AGBL1: variants seen among roughly 807,000 people sequenced by gnomAD.
The protein encoded by AGBL1 is cytosolic carboxypeptidase 4.
AGBL1 carries 130 observed loss-of-function variants against 118.9 expected under a neutral mutation model. That is an observed-to-expected ratio of 1.09 (90% CI 0.95 to 1.26). The LOEUF is 1.26. AGBL1 is among the 50% of genes most tolerant of loss of function. AGBL1 has a pLI of 0.00. For synonymous variants in AGBL1, 555 were observed against 478.9 expected (o/e 1.16, Z -2.08); for missense variants, 1,584 against 1,298.1 (o/e 1.22, Z -3.38).
At chr15:86,996,765 G>A (rs529793916) in intron 24 of AGBL1, among the ~76,000 whole-genome samples, 8 of 152,256 alleles carry the variant, frequency 5.3e-5, no homozygotes, top group African/African-American at 1.9e-4. Context: ...GGTTTTGACT[G>A]ATAAGAATCA....
intron 22 of AGBL1, among the ~76,000 whole-genome samples, chr15:86,813,203 T>TGA (rs1555452873): frequency 1.3e-5 from 2 of 151,216 alleles, no homozygotes; most frequent in Non-Finnish European, 2.9e-5. Context: ...CTTTGAGGGT[T>TGA]GGGGGGGCCT....
chr15:86,340,081 GTCAGCTAAT>G (rs1221343472), intron 17 of AGBL1, among the ~76,000 whole-genome samples: 1 of 151,612 alleles, frequency 6.6e-6, no homozygotes, highest in Non-Finnish European at 1.5e-5. Context: ...TAAAATCTTT[GTCAGCTAAT>G]TCTGACATCT....
At chr15:86,301,595 A>C (rs1458347347) in intron 17 of AGBL1, among the ~76,000 whole-genome samples, 1 of 151,896 alleles carries the variant, frequency 6.6e-6, no homozygotes, top group Non-Finnish European at 1.5e-5. Context: ...GAACACATAG[A>C]TAAGTATTAT....
At chr15:86,279,534 A>G (rs1462899762) in intron 15 of AGBL1, 105 bp from the exon 16 acceptor site, 1 of 1,097,494 alleles carries the variant, frequency 9.1e-7, no homozygotes, top group Admixed American at 2.2e-5. Context: ...TTGTGCCAGG[A>G]CAGTATATAA....
At chr15:86,395,330 C>G (rs1470611686) in intron 17 of AGBL1, among the ~76,000 whole-genome samples, 4 of 151,922 alleles carry the variant, frequency 2.6e-5, no homozygotes, top group African/African-American at 7.2e-5. Context: ...TTTCTTTGTT[C>G]AGAAGACCCT....
At chr15:86,918,089 G>A (rs577996274), downstream of AGBL1, among the ~76,000 whole-genome samples, 51 of 152,270 alleles carry the variant, frequency 3.3e-4, no homozygotes, top group African/African-American at 1.2e-3. Flanking sequence ...AATTTGCAAA[G>A]TTCATTTCTA....
Position 86,359,387 on chromosome 15 carries a change from C to CT in AGBL1, c.2375-37955dup, listed in dbSNP as rs56189861. ...TATTCTATTTATCAGTATTGGTTTTCTTTTTTTTTTTTTTTTTTTTTTTTG... is the reference window on the plus strand; with the variant it reads ...TATTCTATTTATCAGTATTGGTTTTCTTTTTTTTTTTTTTTTTTTTTTTTTG... On this transcript the variant is annotated intron_variant, in intron 17 of 22. Transcript: ENST00000614907. 1.6e-3 allele frequency among the ~76,000 whole-genome samples: 147 copies of CT among 93,770 alleles called. 1 individual carries two copies. Among genetic ancestry groups the CT allele is most frequent in the South Asian group, 0.014 (33 of 2,414 alleles). 61.5% of individuals were successfully genotyped at this position (93,770 alleles called of 152,430 possible).
intron 17 of AGBL1, among the ~76,000 whole-genome samples, chr15:86,363,201 G>A (rs559800236): frequency 6.6e-6 from 1 of 152,060 alleles, no homozygotes; most frequent in Non-Finnish European, 1.5e-5. Context: ...CTCCTACAAA[G>A]GCACTTTTGT....
At chr15:86,284,488 C>T (rs1266456106) in intron 16 of AGBL1, among the ~76,000 whole-genome samples, 1 of 152,184 alleles carries the variant, frequency 6.6e-6, no homozygotes, top group African/African-American at 2.4e-5. Context: ...CTCATCAGAA[C>T]ATGCCTGTAG....
intron 22 of AGBL1, among the ~76,000 whole-genome samples, chr15:86,808,535 A>T (rs1160570418): frequency 6.6e-6 from 1 of 151,832 alleles, no homozygotes; most frequent in Non-Finnish European, 1.5e-5. Flanking sequence ...ACTCAGTTTT[A>T]TAAATTTTCT....
At chr15:86,143,618 C>G (rs966996861) in intron 2 of AGBL1, 81 bp from the exon 3 acceptor site, 1 of 1,513,602 alleles carries the variant, frequency 6.6e-7, no homozygotes, top group South Asian at 1.3e-5. Context: ...TGCTCTGTCT[C>G]TAGTTGGGAG....
chr15:86,387,242 G>A lies in AGBL1; in HGVS notation c.2375-10124G>A, dbSNP rs149483087. Among the ~76,000 whole-genome samples the A allele has an allele frequency of 2.3e-3, 344 of 152,260 alleles. 1 individual carries two copies. The highest frequency in any genetic ancestry group is 8.1e-3 in the African/African-American group (336 of 41,538). ...TGAGAATTTGCTAGGTAGAAGAAGT[G>A]AGGATGAACAGGAAAGGACACAGTG... On this transcript the variant is annotated intron_variant, in intron 17 of 22. Transcript: ENST00000614907.
chr15:86,875,216 C>T (rs530277646), intron 22 of AGBL1, among the ~76,000 whole-genome samples: 40 of 152,316 alleles, frequency 2.6e-4, no homozygotes, highest in Non-Finnish European at 3.2e-4. Context: ...AGGCCCCCCA[C>T]ACCCTGCTCA....
chr15:86,430,649 A>T (rs1183659888), intron 18 of AGBL1, among the ~76,000 whole-genome samples: 1 of 152,124 alleles, frequency 6.6e-6, no homozygotes, highest in Non-Finnish European at 1.5e-5. Context: ...CATAGGATAG[A>T]TGCTTTAATA....
chr15:86,989,643 G>A (rs1324386579), intron 24 of AGBL1, among the ~76,000 whole-genome samples: 2 of 152,130 alleles, frequency 1.3e-5, no homozygotes. Context: ...AGGAAGAATG[G>A]TGATAAAGAT....
At chr15:86,261,664 G>C (rs2078987244) in intron 9 of AGBL1, among the ~76,000 whole-genome samples, 1 of 151,790 alleles carries the variant, frequency 6.6e-6, no homozygotes, top group African/African-American at 2.4e-5. Flanking sequence ...GATATGAAAA[G>C]ATGAAGAGAC....
At chr15:86,275,049 A>T (rs979228575) in intron 15 of AGBL1, among the ~76,000 whole-genome samples, 4 of 152,080 alleles carry the variant, frequency 2.6e-5, no homozygotes, top group Non-Finnish European at 5.9e-5. Flanking sequence ...CGTAAAAGTA[A>T]GCAAGGGCCC....
chr15:86,856,971 C>A (rs1448925697), intron 22 of AGBL1, among the ~76,000 whole-genome samples: 1 of 152,178 alleles, frequency 6.6e-6, no homozygotes, highest in Non-Finnish European at 1.5e-5. Flanking sequence ...CTCTTCTGTG[C>A]CTACCTGGTC....
intron 22 of AGBL1, among the ~76,000 whole-genome samples, chr15:86,702,241 T>A (rs1207801779): frequency 3.9e-5 from 6 of 152,108 alleles, no homozygotes; most frequent in Non-Finnish European, 7.4e-5. Context: ...TAAATTAGTA[T>A]AATAAAAAGG....
Sources: allele counts gnomAD v4.1 joint callset (sites outside exome capture counted in the v4.1 genomes callset), GRCh38; gene constraint gnomAD v4.1.1; transcripts MANE v1.5; gene names NCBI Gene and HGNC (gene_info 2026-07-23, HGNC 2026-07-21).